Variants in CSMD1 observed in about 807,000 individuals in gnomAD.
CSMD1 encodes the protein CUB and Sushi multiple domains 1.
Under a neutral mutation model 417.5 loss-of-function variants are expected in CSMD1, and 213 were observed. The observed-to-expected ratio is 0.51, with a 90% confidence interval of 0.46 to 0.57. CSMD1 has a LOEUF of 0.57. CSMD1 is among the 20% of genes least tolerant of loss of function. The pLI is 0.00. For synonymous variants in CSMD1, 2,862 were observed against 1,736.8 expected, an observed-to-expected ratio of 1.65 and a Z score of -16.11; for missense variants, 6,923 against 4,529.7, an observed-to-expected ratio of 1.53 and a Z score of -15.17.
In CSMD1 at chr8:4,061,208, A is replaced by G. The variant is rs535903852; in HGVS notation, c.416-29109T>C. Among the ~76,000 whole-genome samples, 15 of 152,310 alleles carry G rather than the reference A, an allele frequency of 9.8e-5. No individual in the cohort carries two copies. In the East Asian group the frequency reaches 1.9e-3, roughly 20 times the overall value. ...AGTTCTAACATGAGCCCTTTTAGGA[A>G]CCCAGCCCTGCTGATTAGAGAGGAA... On this transcript the variant is annotated intron_variant, in intron 3 of 69. Coordinates refer to ENST00000635120, the MANE Select transcript of CSMD1 (RefSeq NM_033225.6).
chr8:3,538,978 C>G (rs1043973867), intron 10 of CSMD1, among the ~76,000 whole-genome samples: 1 of 152,184 alleles, frequency 6.6e-6, no homozygotes, highest in Non-Finnish European at 1.5e-5. Context: ...TTCTAGAAAT[C>G]CTGCAGCAGC....
chr8:4,468,430 G>C (rs1189938937), intron 2 of CSMD1, among the ~76,000 whole-genome samples: 1 of 152,178 alleles, frequency 6.6e-6, no homozygotes, highest in African/African-American at 2.4e-5. Context: ...CTACTTTGAT[G>C]AGACTCAGGC....
At chr8:3,205,381 C>T in intron 31 of CSMD1, 123 bp downstream of exon 31, 1 of 584,604 alleles carries the variant, frequency 1.7e-6, no homozygotes, top group South Asian at 2.1e-5. Context: ...TACTTAAATG[C>T]AACTCATTTG....
intron 26 of CSMD1, among the ~76,000 whole-genome samples, chr8:3,240,021 A>G (rs142418205): frequency 0.16 from 23,476 of 151,062 alleles, 2,272 homozygotes; most frequent in Admixed American, 0.22. Context: ...AGTTATGAGA[A>G]CTGTAGAGAG....
chr8:3,398,643 T>C (rs557757089), intron 16 of CSMD1, among the ~76,000 whole-genome samples: 1 of 152,302 alleles, frequency 6.6e-6, no homozygotes, highest in Admixed American at 6.5e-5. Flanking sequence ...AGCCCAATGT[T>C]ATGCAGAGAA....
intron 2 of CSMD1, among the ~76,000 whole-genome samples, chr8:4,430,510 C>T (rs1464283405): frequency 6.6e-6 from 1 of 151,976 alleles, no homozygotes; most frequent in East Asian, 1.9e-4. Context: ...CAAAAATTTC[C>T]TCCTAAGAAA....
At chr8:4,874,227 T>A (rs768975014) in intron 1 of CSMD1, among the ~76,000 whole-genome samples, 2 of 152,094 alleles carry the variant, frequency 1.3e-5, no homozygotes, top group Admixed American at 6.5e-5. Flanking sequence ...AGCCACTGTA[T>A]AATTGGCCGT....
intron 1 of CSMD1, among the ~76,000 whole-genome samples, chr8:4,865,059 A>T (rs1185364008): frequency 2.0e-5 from 3 of 151,476 alleles, no homozygotes; most frequent in Non-Finnish European, 4.4e-5. Context: ...TTTTTATTTC[A>T]ATAGGTTTTG....
At chr8:3,723,785 A>G (rs1207859424) in intron 6 of CSMD1, among the ~76,000 whole-genome samples, 5 of 152,200 alleles carry the variant, frequency 3.3e-5, no homozygotes, top group African/African-American at 1.2e-4. Context: ...CATAAAGTGA[A>G]CCCATGATTT....
intron 3 of CSMD1, among the ~76,000 whole-genome samples, chr8:4,321,626 C>G (rs1350485196): frequency 2.0e-5 from 3 of 152,172 alleles, no homozygotes; most frequent in African/African-American, 7.2e-5. Flanking sequence ...CCCCTTTCTG[C>G]TCTACCTCTG....
chr8:3,405,926 G>T, intron 15 of CSMD1, 101 bp downstream of exon 15: 1 of 1,111,262 alleles, frequency 9.0e-7, no homozygotes, highest in South Asian at 1.5e-5. Context: ...ATTTTGTTAG[G>T]GCAGCCCTAG....
rs573990040 is a variant in CSMD1, at chr8:3,792,185, A to T, written c.819-38143T>A. 1.5e-3 allele frequency among the ~76,000 whole-genome samples: 221 copies of T among 152,154 alleles called. 6 individuals are homozygous for T. Among genetic ancestry groups the T allele is most frequent in the Admixed American group, 0.013 (204 of 15,276 alleles). Reference sequence around the variant, plus strand: ...GGTGCACACGTGTAGTCCCAGCTACAGGGGAGGCTGAGATGGGAGATCGCT... The same window carrying T: ...GGTGCACACGTGTAGTCCCAGCTACTGGGGAGGCTGAGATGGGAGATCGCT... On this transcript the variant is annotated intron_variant, in intron 5 of 69. Transcript: ENST00000635120.
chr8:3,718,142 T>C (rs982253703), intron 6 of CSMD1, among the ~76,000 whole-genome samples: 1 of 152,224 alleles, frequency 6.6e-6, no homozygotes, highest in Admixed American at 6.5e-5. Flanking sequence ...TTGGGATAAA[T>C]CTATTATTGT....
At chr8:4,203,097 G>A (rs1007479299) in intron 3 of CSMD1, among the ~76,000 whole-genome samples, 1 of 152,216 alleles carries the variant, frequency 6.6e-6, no homozygotes, top group African/African-American at 2.4e-5. Context: ...GCAGTTATCT[G>A]TGTGGGTTCC....
intron 1 of CSMD1, among the ~76,000 whole-genome samples, chr8:4,980,213 G>C (rs1001732424): frequency 6.6e-6 from 1 of 152,172 alleles, no homozygotes; most frequent in Non-Finnish European, 1.5e-5. Flanking sequence ...TGAGCTTCGA[G>C]GTTGGATACT....
At chr8:4,003,092 A>G (rs948486098) in intron 4 of CSMD1, among the ~76,000 whole-genome samples, 39 of 152,196 alleles carry the variant, frequency 2.6e-4, no homozygotes, top group Non-Finnish European at 5.1e-4. Flanking sequence ...CTTGCTTTGT[A>G]TTTTAAGAAA....
chr8:3,450,064 A>G (rs944638220), intron 12 of CSMD1, among the ~76,000 whole-genome samples: 1 of 152,154 alleles, frequency 6.6e-6, no homozygotes, highest in Non-Finnish European at 1.5e-5. Context: ...TGAGACACAT[A>G]CGAAATTCGG....
At chr8:4,853,073 A>C (rs1801579136) in intron 1 of CSMD1, among the ~76,000 whole-genome samples, 1 of 152,318 alleles carries the variant, frequency 6.6e-6, no homozygotes, top group African/African-American at 2.4e-5. Flanking sequence ...CATTTGGAAA[A>C]TTTGCAGCCT....
intron 12 of CSMD1, among the ~76,000 whole-genome samples, chr8:3,459,484 G>A (rs1289989307): frequency 6.6e-6 from 1 of 152,212 alleles, no homozygotes; most frequent in African/African-American, 2.4e-5. Context: ...ACCCCTGGGT[G>A]ATCTCCACGC....
Sources: allele counts gnomAD v4.1 joint callset (sites outside exome capture counted in the v4.1 genomes callset), GRCh38; gene constraint gnomAD v4.1.1; transcripts MANE v1.5; gene names NCBI Gene and HGNC (gene_info 2026-07-23, HGNC 2026-07-21).